Variants in IPO7 observed in about 807,000 individuals in gnomAD.
IPO7 encodes the protein importin 7, also known as importin-7.
IPO7 carries 13 observed loss-of-function variants against 136.4 expected under a neutral mutation model. The ratio of observed to expected loss-of-function variants is 0.10; its 90% CI spans 0.06 to 0.15. IPO7 has a LOEUF of 0.15. Among genes scored for constraint, IPO7 ranks in the 10% least tolerant of loss-of-function variants. The pLI is 1.00. For synonymous variants in IPO7, 403 were observed against 404.4 expected (o/e 1.00, Z 0.04); for missense variants, 857 against 1,240.6 (o/e 0.69, Z 4.65).
chr11:9,438,432 C>G, intron 22 of IPO7, 147 bp downstream of exon 22: 1 of 613,144 alleles, frequency 1.6e-6, no homozygotes, highest in East Asian at 2.8e-5. Context: ...CGAGACCAGC[C>G]TGGCCAGTAT....
intron 1 of IPO7, among the ~76,000 whole-genome samples, chr11:9,401,376 C>A (rs1432941942): frequency 6.6e-6 from 1 of 151,820 alleles, no homozygotes; most frequent in African/African-American, 2.4e-5. Flanking sequence ...CCCTGCACTT[C>A]AAGATAAAAT....
chr11:9,436,577 T>C (rs1180875043), intron 20 of IPO7, among the ~76,000 whole-genome samples: 1 of 152,084 alleles, frequency 6.6e-6, no homozygotes, highest in Non-Finnish European at 1.5e-5. Context: ...TATGGCTACT[T>C]TGTTATCATG....
rs1855155932 is a variant in IPO7 at position 9,423,006 on chromosome 11, G to T, written c.907G>T (p.Val303Phe). ...LKAFAVGVQQVLLKVLYQYKE... is the reference protein window; with the variant it reads ...LKAFAVGVQQFLLKVLYQYKE... Reference sequence around the variant, plus strand: ...TTGTGATCGAAAATTTTTTTCCAAGGTTTTATTGAAGGTGTTATATCAGTA... The same window carrying T: ...TTGTGATCGAAAATTTTTTTCCAAGTTTTTATTGAAGGTGTTATATCAGTA... Residue 303 changes from valine to phenylalanine, a missense_variant and splice_region_variant, in exon 9 of 25, where the codon GTT (valine) becomes TTT (phenylalanine). Coordinates refer to ENST00000379719, the MANE Select transcript of IPO7 (RefSeq NM_006391.3). The T allele has an allele frequency of 6.6e-7, 1 of 1,525,348 alleles. No homozygotes were observed. Among genetic ancestry groups the T allele is most frequent in the Non-Finnish European group, 8.8e-7 (1 of 1,134,358 alleles). The allele number at this position is 1,525,348 out of a possible 1,614,324, so 94.5% of individuals were successfully genotyped here.
intron 13 of IPO7, 50 bp downstream of exon 13, chr11:9,428,679 ACT>A (rs762216559): frequency 2.1e-6 from 2 of 959,452 alleles, no homozygotes; most frequent in South Asian, 1.3e-5. Flanking sequence ...GTAATGAATG[ACT>A]CTGTGGACTT....
chr11:9,430,552 G>T, intron 15 of IPO7: 1 of 213,360 alleles, frequency 4.7e-6, no homozygotes, highest in Non-Finnish European at 9.3e-6. Context: ...ATTGTCAAGT[G>T]TTAACCAGTA....
intron 1 of IPO7, among the ~76,000 whole-genome samples, chr11:9,389,828 C>T (rs1313168568): frequency 2.0e-5 from 3 of 151,726 alleles, no homozygotes; most frequent in Non-Finnish European, 2.9e-5. Context: ...TGGTGCCATC[C>T]GGCTCACTGC....
At chr11:9,434,090 A>C (rs946848623) in intron 18 of IPO7, among the ~76,000 whole-genome samples, 22 of 151,606 alleles carry the variant, frequency 1.5e-4, no homozygotes, top group Admixed American at 1.2e-3. Context: ...TGCCCGGCTA[A>C]TTTTGTATTT....
chr11:9,413,228 C>T (rs1158740122), intron 4 of IPO7, among the ~76,000 whole-genome samples: 1 of 152,070 alleles, frequency 6.6e-6, no homozygotes, highest in Non-Finnish European at 1.5e-5. Context: ...GATTGAGTCT[C>T]TCTGTCACCC....
At chr11:9,424,020 T>C (rs1373431222) in intron 10 of IPO7, 144 bp downstream of exon 10, 5 of 511,292 alleles carry the variant, frequency 9.8e-6, no homozygotes, top group Non-Finnish European at 3.4e-6. Context: ...TTTGGGGCTA[T>C]TTATTAATTA....
intron 16 of IPO7, among the ~76,000 whole-genome samples, chr11:9,432,349 G>A (rs1490113794): frequency 1.3e-5 from 2 of 151,996 alleles, no homozygotes; most frequent in African/African-American, 4.8e-5. Flanking sequence ...GTGCAGGCGC[G>A]CACCACCATG....
intron 18 of IPO7, among the ~76,000 whole-genome samples, chr11:9,434,431 G>A (rs1855342780): frequency 6.6e-6 from 1 of 152,018 alleles, no homozygotes; most frequent in African/African-American, 2.4e-5. Context: ...TAATTTTTAT[G>A]TTTAAGTACA....
intron 1 of IPO7, 46 bp downstream of exon 1, chr11:9,384,893 G>T: frequency 6.8e-7 from 1 of 1,477,642 alleles, no homozygotes; most frequent in African/African-American, 1.4e-5. Context: ...CGGGTGGGCA[G>T]AAGTGGCAGG....
chr11:9,445,054 G>T (rs1258469668), intron 24 of IPO7, 43 bp from the exon 25 acceptor site: 1 of 1,186,514 alleles, frequency 8.4e-7, no homozygotes. Flanking sequence ...CACCAAGTTA[G>T]TAGATGATTG....
At chr11:9,401,798 C>T (rs1854800529) in intron 1 of IPO7, among the ~76,000 whole-genome samples, 1 of 152,048 alleles carries the variant, frequency 6.6e-6, no homozygotes, top group Non-Finnish European at 1.5e-5. Context: ...TGAAATGTAA[C>T]ATGTATACAC....
At position 9,436,333 on chromosome 11, in the gene IPO7, C is replaced by T; in HGVS notation, c.2235C>T (p.Ile745=). The change falls in exon 20 of 25, where the codon ATC becomes ATT. Residue 745 remains isoleucine (I), a synonymous_variant. Transcript: ENST00000379719. ...ECHAAKLLEV[I]ILQCKGRGID... ...ATGCAGCAAAATTGTTAGAGGTCAT[C>T]ATTCTGCAGTGCAAAGGGCGTGGCA... 1 of 1,613,770 alleles carries T rather than the reference C, an allele frequency of 6.2e-7. No individual in the cohort carries two copies. Among genetic ancestry groups the T allele is most frequent in the South Asian group, 1.1e-5 (1 of 91,064 alleles).
chr11:9,436,734 G>A (rs895746113), intron 20 of IPO7, among the ~76,000 whole-genome samples: 1 of 148,002 alleles, frequency 6.8e-6, no homozygotes, highest in Admixed American at 6.8e-5. Context: ...CCAGACTGGA[G>A]TGCAGTGGCA....
chr11:9,441,280 T>C (rs1453242450), intron 23 of IPO7, among the ~76,000 whole-genome samples: 2 of 152,180 alleles, frequency 1.3e-5, no homozygotes, highest in African/African-American at 2.4e-5. Flanking sequence ...GTTCCTATAA[T>C]GTGTCATTGT....
In IPO7 at chr11:9,409,793, A is replaced by G. The variant is rs956470410; in HGVS notation, c.321-135A>G. ...CTCAGTGACTTATTCTGAATCATAT[A>G]TATTCTGTGTACATCTAAAATCACT... On this transcript the variant is annotated intron_variant, in intron 3 of 24. Coordinates refer to ENST00000379719, the MANE Select transcript of IPO7 (RefSeq NM_006391.3). 1.3e-5 allele frequency: 7 copies of G among 557,026 alleles called. No individual in the cohort carries two copies. The Admixed American group carries it at 2.4e-4, about 19-fold the overall frequency. The allele number at this position is 557,026 out of a possible 1,614,324, so 34.5% of individuals were successfully genotyped here.
rs370570865 is a variant in IPO7 at position 9,406,981 on chromosome 11, C to T, written c.167-1505C>T. On this transcript the variant is annotated intron_variant, in intron 2 of 24. Coordinates refer to ENST00000379719, the MANE Select transcript of IPO7 (RefSeq NM_006391.3). ...ATTTCGAATGATTAGTTCATTCTGT[C>T]TTTGCTCAAGCATTCTGGCTAGAGT... Among the ~76,000 whole-genome samples, 19 of 152,324 alleles carry T rather than the reference C, an allele frequency of 1.2e-4. No homozygotes were observed. The East Asian group carries it at 3.3e-3, about 26-fold the overall frequency.
Sources: gnomAD v4.1 joint callset for allele counts (sites outside exome capture counted in the v4.1 genomes callset) on GRCh38, gnomAD v4.1.1 for gene constraint, MANE v1.5 for transcripts, NCBI Gene and HGNC (gene_info 2026-07-23, HGNC 2026-07-21) for gene names.